Variants in CASP1 observed in about 807,000 individuals in gnomAD.
The protein encoded by CASP1 is caspase-1.
In CASP1, 31 loss-of-function variants were observed where a neutral mutation model predicts 41.2. That is an observed-to-expected ratio of 0.75 (90% CI 0.57 to 1.02). The LOEUF is 1.02. Ranked by LOEUF, CASP1 falls within the 50% of genes least tolerant of loss-of-function variation. The pLI is 0.00. For missense variants in CASP1, 490 were observed against 495.7 expected, an observed-to-expected ratio of 0.99 and a Z score of 0.11; for synonymous variants, 163 against 166.5, an observed-to-expected ratio of 0.98 and a Z score of 0.16.
chr11:105,029,518 C>G (rs773708295), intron 6 of CASP1, 147 bp downstream of exon 6: 3 of 659,902 alleles, frequency 4.5e-6, no homozygotes, highest in Non-Finnish European at 7.7e-6. Context: ...ACCAGCCATT[C>G]AATTCACAGA....
chr11:105,035,627 T>TTTTTTTTTTTC (rs1863980898), upstream of CASP1, among the ~76,000 whole-genome samples: 1 of 143,614 alleles, frequency 7.0e-6, no homozygotes, highest in Non-Finnish European at 1.5e-5. Flanking sequence ...TGTTTTTTTT[T>TTTTTTTTTTTC]TTTTCTGATA....
In CASP1 at chr11:105,029,826, A is replaced by T; in HGVS notation, c.701T>A (p.Phe234Tyr). 6.2e-7 allele frequency: 1 copy of T among 1,613,798 alleles called. No individual in the cohort carries two copies. The highest frequency in any genetic ancestry group is 8.5e-7 in the Non-Finnish European group (1 of 1,179,778). Reference protein sequence around the residue: ...HKTSDSTFLVFMSHGIREGIC... With the variant: ...HKTSDSTFLVYMSHGIREGIC... ...GCCTTCCCGAATACCATGAGACATG[A>T]ACACCAGGAACGTGCTGTCAGAGGT... Residue 234 changes from phenylalanine to tyrosine, a missense_variant, in exon 6 of 9, where the codon TTC (phenylalanine) becomes TAC (tyrosine). Transcript: ENST00000533400.
In CASP1 at chr11:105,026,283, C is replaced by T; in HGVS notation, c.1190G>A (p.Cys397Tyr). 1 of 1,609,996 alleles carries T rather than the reference C, an allele frequency of 6.2e-7. No individual in the cohort carries two copies. Among genetic ancestry groups the T allele is most frequent in the Non-Finnish European group, 8.5e-7 (1 of 1,176,700 alleles). The change falls in exon 9 of 9, where the codon TGT becomes TAT. Residue 397 changes from cysteine to tyrosine, a missense_variant. Transcript: ENST00000533400. Reference sequence around the variant, plus strand: ...TTAATGTCCTGGGAAGAGGTAGAAACATCTTGTCAAAGTCACTCTTTCAGT... The same window carrying T: ...TTAATGTCCTGGGAAGAGGTAGAAATATCTTGTCAAAGTCACTCTTTCAGT... ...PTTERVTLTR[C>Y]FYLFPGH
chr11:105,029,947 T>C (rs1382071902), intron 5 of CASP1, 48 bp from the exon 6 acceptor site: 2 of 1,315,458 alleles, frequency 1.5e-6, no homozygotes, highest in Non-Finnish European at 2.2e-6. Flanking sequence ...TTAACTATCA[T>C]GGTACCTTGG....
At chr11:105,031,324 G>C (rs45500199) in intron 3 of CASP1, 44 bp from the exon 4 acceptor site, 1 of 1,130,038 alleles carries the variant, frequency 8.8e-7, no homozygotes, top group Non-Finnish European at 1.3e-6. Context: ...ATCCCTGTTT[G>C]TTCCACTTTG....
Position 105,029,764 on chromosome 11 carries a change from T to C in CASP1, c.763A>G (p.Ile255Val). ...TTAAAGATTGCATTGAGTTGTAGTA[T>C]ATCTGGGACTTGCTCAGAGTGTTTC... ...GKKHSEQVPD[I>V]LQLNAIFNML... Residue 255 changes from isoleucine (I) to valine (V), a missense_variant, in exon 6 of 9, where the codon ATA (isoleucine) becomes GTA (valine). Transcript: ENST00000533400. 1.2e-6 allele frequency: 2 copies of C among 1,613,664 alleles called. No individual in the cohort carries two copies. Among genetic ancestry groups the C allele is most frequent in the Non-Finnish European group, 1.7e-6 (2 of 1,179,684 alleles).
Position 105,025,692 on chromosome 11 carries a change from A to G in CASP1, c.*566T>C. 2 of 348,924 alleles carry G rather than the reference A, an allele frequency of 5.7e-6. No individual in the cohort carries two copies. The highest frequency in any genetic ancestry group is 8.3e-5 in the East Asian group (1 of 12,088). 21.6% of individuals were successfully genotyped at this position (348,924 alleles called of 1,614,324 possible). On this transcript the variant is annotated 3_prime_UTR_variant, in exon 9 of 9. Transcript: ENST00000533400. ...ATAAAGTTATACCACCAATGGGAAC[A>G]TACACAATTTTAAAAGGAAAGACCA... is the stretch of plus-strand genomic sequence containing the variant.
At chr11:105,027,386 A>G (rs1265218935) in intron 7 of CASP1, among the ~76,000 whole-genome samples, 1 of 152,152 alleles carries the variant, frequency 6.6e-6, no homozygotes, top group Non-Finnish European at 1.5e-5. Flanking sequence ...AGATATTTAC[A>G]CACAAAAAGT....
intron 7 of CASP1, among the ~76,000 whole-genome samples, chr11:105,027,578 A>G (rs762647537): frequency 6.6e-6 from 1 of 152,156 alleles, no homozygotes; most frequent in Non-Finnish European, 1.5e-5. Flanking sequence ...AAAGGAAGTC[A>G]TAAGAGAAAA....
At chr11:105,035,050 C>A (rs1486395816) in intron 1 of CASP1, 57 bp downstream of exon 1, 7 of 1,609,032 alleles carry the variant, frequency 4.4e-6, no homozygotes, top group African/African-American at 1.3e-5. Flanking sequence ...GAAGAGCCAG[C>A]CCCTTCCAAA....
In CASP1 at chr11:105,029,867, G is replaced by A. The variant is rs1488958501; in HGVS notation, c.660C>T (p.His220=). 1.2e-6 allele frequency: 2 copies of A among 1,613,670 alleles called. No individual in the cohort carries two copies. Among genetic ancestry groups the A allele is most frequent in the Non-Finnish European group, 1.7e-6 (2 of 1,179,708 alleles). Residue 220 remains histidine (H), a synonymous_variant, in exon 6 of 9, where the codon CAC becomes CAT. Transcript: ENST00000533400. ...TGTCAGAGGTCTTGTGCTCTGGGCG[G>A]TGTGCAAATGCCTCCAGCTCTGTAG... The part of the protein sequence containing the change: ...DMTTELEAFA[H]RPEHKTSDST...
intron 4 of CASP1, chr11:105,030,958 T>C: frequency 1.9e-6 from 1 of 514,846 alleles, no homozygotes; most frequent in Non-Finnish European, 3.5e-6. Flanking sequence ...ATCACTGATG[T>C]TATTTACCCC....
intron 2 of CASP1, chr11:105,033,864 T>A: frequency 1.6e-6 from 1 of 614,818 alleles, no homozygotes; most frequent in East Asian, 3.8e-5. Context: ...TACAGACCCC[T>A]TGCACTCAGC....
intron 3 of CASP1, among the ~76,000 whole-genome samples, chr11:105,032,806 C>A (rs973396906): frequency 2.0e-5 from 3 of 152,076 alleles, no homozygotes; most frequent in African/African-American, 7.2e-5. Context: ...GTGAATATTT[C>A]AGTAGGCTTA....
At chr11:105,033,958 G>A (rs899854496) in intron 2 of CASP1, 14 of 771,814 alleles carry the variant, frequency 1.8e-5, no homozygotes, top group Non-Finnish European at 2.8e-5. Context: ...GTTCTCAAGA[G>A]CTTCAGTAAA....
intron 1 of CASP1, 28 bp downstream of exon 1, chr11:105,035,079 C>T (rs1198016250): frequency 2.5e-6 from 4 of 1,612,672 alleles, no homozygotes; most frequent in East Asian, 2.2e-5. Flanking sequence ...TTCCCAGGGA[C>T]CTGTTCTTGG....
At position 105,026,528 on chromosome 11, in the gene CASP1, C is replaced by G. The variant is rs17103544; in HGVS notation, c.1117-172G>C. On this transcript the variant is annotated intron_variant, in intron 8 of 8. Coordinates refer to ENST00000533400, the MANE Select transcript of CASP1 (RefSeq NM_001257118.3). ...ATATATGTATGTAAGCATTGAATGA[C>G]CCTCCTCAGGGCATTTTAAATCTGC... The G allele has an allele frequency of 4.1e-3, 2,481 of 604,434 alleles. 58 individuals carry two copies. In the African/African-American group the frequency reaches 0.042, roughly 10 times the overall value. 37.4% of individuals were successfully genotyped at this position (604,434 alleles called of 1,614,324 possible). A position where few individuals can be genotyped will look rare whatever the true frequency, so the allele number is the denominator to read the frequency against.
In CASP1 at chr11:105,025,767, A is replaced by G. The variant is rs1863235346; in HGVS notation, c.*491T>C. 3.5e-6 allele frequency: 1 copy of G among 287,290 alleles called. No individual in the cohort carries two copies. Among genetic ancestry groups the G allele is most frequent in the Non-Finnish European group, 6.8e-6 (1 of 146,856 alleles). 17.8% of individuals were successfully genotyped at this position (287,290 alleles called of 1,614,324 possible). A position where few individuals can be genotyped will look rare whatever the true frequency, so the allele number is the denominator to read the frequency against. ...CTGAGGTGAAGGAGAGAAACATCCA[A>G]AAGTGAGGGTTTGTAGTCTTACGGC... On this transcript the variant is annotated 3_prime_UTR_variant, in exon 9 of 9. Transcript: ENST00000533400.
In CASP1 at chr11:105,030,331, G is replaced by T. The variant is rs61755276; in HGVS notation, c.626C>A (p.Ser209Ter). ...SVDVKKNLTA[S>*]DMTTELEAFA... ...TTTCTGTTGTATAATAGAACTTACC[G>T]AAGCAGTGAGATTTTTTTTCACATC... Residue 209 changes from serine (S) to a stop codon, truncating the protein, a stop_gained and splice_region_variant, in exon 5 of 9, where the codon TCG (serine) becomes TAG (stop). Coordinates refer to ENST00000533400, the MANE Select transcript of CASP1 (RefSeq NM_001257118.3). LOFTEE classifies it high-confidence loss of function. The T allele has an allele frequency of 6.2e-7, 1 of 1,610,538 alleles. No individual in the cohort carries two copies. Among genetic ancestry groups the T allele is most frequent in the African/African-American group, 1.3e-5 (1 of 74,704 alleles).
Sources: gnomAD v4.1 joint callset for allele counts (sites outside exome capture counted in the v4.1 genomes callset) on GRCh38, gnomAD v4.1.1 for gene constraint, MANE v1.5 for transcripts, NCBI Gene and HGNC (gene_info 2026-07-23, HGNC 2026-07-21) for gene names.